WDPCP: variants seen among roughly 807,000 people sequenced by gnomAD.
The protein encoded by WDPCP is WD repeat containing planar cell polarity effector.
In WDPCP, 71 loss-of-function variants were observed where a neutral mutation model predicts 93.1. The ratio of observed to expected loss-of-function variants is 0.76; its 90% CI spans 0.63 to 0.93. WDPCP has a LOEUF of 0.93. WDPCP is among the 40% of genes least tolerant of loss of function. The probability of loss-of-function intolerance (pLI) is 0.00; values close to 1 mark genes in which losing one functional copy is unlikely to be tolerated. For synonymous variants in WDPCP, 315 were observed against 315.0 expected (o/e 1.00, Z 0.00); for missense variants, 844 against 887.4 (o/e 0.95, Z 0.62).
intron 12 of WDPCP, among the ~76,000 whole-genome samples, chr2:63,346,908 G>C (rs1485944226): frequency 6.6e-6 from 1 of 152,130 alleles, no homozygotes; most frequent in African/African-American, 2.4e-5. Context: ...AGGGATCAGA[G>C]TCCTATACTG....
intron 10 of WDPCP, among the ~76,000 whole-genome samples, chr2:63,384,033 G>GA (rs1692531968): frequency 1.3e-5 from 2 of 151,960 alleles, no homozygotes; most frequent in African/African-American, 2.4e-5. Flanking sequence ...AAATTATCTG[G>GA]AAAATCCCCA....
At chr2:63,780,797 A>G (rs1198601025) in intron 2 of WDPCP, among the ~76,000 whole-genome samples, 1 of 152,198 alleles carries the variant, frequency 6.6e-6, no homozygotes, top group East Asian at 1.9e-4. Context: ...TATGGTAACT[A>G]ACTTCAGGCA....
chr2:63,833,966 T>C, the WDPCP span, among the ~76,000 whole-genome samples: 1 of 151,968 alleles, frequency 6.6e-6, no homozygotes, highest in South Asian at 2.1e-4. Flanking sequence ...TGTAAGTGTA[T>C]GCCAACATAC....
At chr2:63,381,318 C>T (rs202233725) in intron 11 of WDPCP, among the ~76,000 whole-genome samples, 3 of 152,002 alleles carry the variant, frequency 2.0e-5, no homozygotes, top group African/African-American at 7.2e-5. Flanking sequence ...AATTAAACAT[C>T]TTAGATATAT....
rs1022393565 is a variant in WDPCP, at chr2:63,721,787, T to C, written n.309-70949A>G. On this transcript the variant is annotated intron_variant and non_coding_transcript_variant, in intron 2 of 4. Transcript: ENST00000467687. ...TCTTTCCACGGTCTCCCTCTCATGC[T>C]GAGCCGAAGCTGGACTGTACTGCTG... Among the ~76,000 whole-genome samples the C allele has an allele frequency of 8.2e-5, 12 of 147,208 alleles. No individual in the cohort carries two copies. The East Asian group carries it at 2.6e-3, about 32-fold the overall frequency.
At chr2:63,670,195 T>G (rs576513830) in intron 2 of WDPCP, among the ~76,000 whole-genome samples, 2 of 152,314 alleles carry the variant, frequency 1.3e-5, no homozygotes, top group East Asian at 3.9e-4. Flanking sequence ...TGTAATTTTA[T>G]GAATCTTGAC....
At chr2:63,332,174 A>G (rs985788879) in intron 12 of WDPCP, among the ~76,000 whole-genome samples, 3 of 151,400 alleles carry the variant, frequency 2.0e-5, no homozygotes, top group Non-Finnish European at 2.9e-5. Context: ...TAATAATTCT[A>G]ATCATATGAT....
Position 63,352,439 on chromosome 2 carries a change from G to A in WDPCP, c.1748+25947C>T, listed in dbSNP as rs9789706. ...AGATTACAGTGATAAATTAATGTAT[G>A]GCAATAAATATGCTTCAGAAATCAA... On this transcript the variant is annotated intron_variant, in intron 12 of 17. Transcript: ENST00000272321. Among the ~76,000 whole-genome samples the A allele has an allele frequency of 2.9e-4, 44 of 152,208 alleles. 1 individual carries two copies. The East Asian group carries it at 7.9e-3, about 27-fold the overall frequency.
intron 3 of WDPCP, chr2:63,605,271 C>T (rs894585140): frequency 1.3e-6 from 2 of 1,587,392 alleles, no homozygotes; most frequent in Non-Finnish European, 1.7e-6. Context: ...TCACCTGCCC[C>T]CTTCCCAGAC....
chr2:63,818,719 C>T (rs984504292), intron 1 of WDPCP, among the ~76,000 whole-genome samples: 4 of 152,110 alleles, frequency 2.6e-5, no homozygotes, highest in African/African-American at 7.2e-5. Flanking sequence ...ATTCCTTTCA[C>T]ATAAGGTGCT....
chr2:63,587,215 G>C (rs1168699824), intron 1 of WDPCP, among the ~76,000 whole-genome samples: 1 of 152,198 alleles, frequency 6.6e-6, no homozygotes, highest in East Asian at 1.9e-4. Flanking sequence ...AGTAGCATTT[G>C]AAGTGATGCA....
At chr2:63,830,093 G>C (rs1230103941), upstream of WDPCP, among the ~76,000 whole-genome samples, 1 of 152,026 alleles carries the variant, frequency 6.6e-6, no homozygotes, top group Non-Finnish European at 1.5e-5. Context: ...TTGATGACAA[G>C]AGAAGCATCA....
chr2:63,257,922 G>GGACTT, intron 14 of WDPCP, among the ~76,000 whole-genome samples: 1 of 152,232 alleles, frequency 6.6e-6, no homozygotes, highest in South Asian at 2.1e-4. Context: ...AAATTGGTTA[G>GGACTT]GACTTAACTT....
chr2:63,415,090 A>G (rs185905576), intron 9 of WDPCP, among the ~76,000 whole-genome samples: 1 of 152,308 alleles, frequency 6.6e-6, no homozygotes, highest in Non-Finnish European at 1.5e-5. Context: ...TAAAGATTAA[A>G]AAAATACTTT....
upstream of WDPCP, among the ~76,000 whole-genome samples, chr2:63,591,717 G>A (rs1235310764): frequency 2.0e-5 from 3 of 152,168 alleles, no homozygotes; most frequent in Admixed American, 6.5e-5. Context: ...ATCAAAGACA[G>A]ACTGTTCTCA....
intron 12 of WDPCP, among the ~76,000 whole-genome samples, chr2:63,338,540 A>C (rs1688565229): frequency 7.3e-6 from 1 of 136,964 alleles, no homozygotes; most frequent in African/African-American, 2.7e-5. Context: ...CAACAAGAGC[A>C]AAACTCCATC....
At chr2:63,196,762 A>G (rs1389982744) in intron 14 of WDPCP, among the ~76,000 whole-genome samples, 6 of 152,164 alleles carry the variant, frequency 3.9e-5, no homozygotes, top group African/African-American at 7.2e-5. Flanking sequence ...ACTCTTGGGG[A>G]AAAAAATGCC....
intron 12 of WDPCP, among the ~76,000 whole-genome samples, chr2:63,336,609 G>T (rs1031458337): frequency 2.6e-5 from 4 of 151,912 alleles, no homozygotes; most frequent in African/African-American, 9.7e-5. Flanking sequence ...TTATTGTATG[G>T]CTTTCCTCGT....
chr2:63,215,888 TG>T, intron 14 of WDPCP, among the ~76,000 whole-genome samples: 1 of 152,186 alleles, frequency 6.6e-6, no homozygotes, highest in Middle Eastern at 3.4e-3. Context: ...CATCCAAAAG[TG>T]GGCAAAGGAT....
Sources: gnomAD v4.1 joint callset for allele counts (sites outside exome capture counted in the v4.1 genomes callset) on GRCh38, gnomAD v4.1.1 for gene constraint, MANE v1.5 for transcripts, NCBI Gene and HGNC (gene_info 2026-07-23, HGNC 2026-07-21) for gene names.